NBEAL1: variants seen among roughly 807,000 people sequenced by gnomAD.
The protein encoded by NBEAL1 is neurobeachin-like protein 1.
In NBEAL1, 273 loss-of-function variants were observed where a neutral mutation model predicts 351.3. The ratio of observed to expected loss-of-function variants is 0.78; its 90% CI spans 0.70 to 0.86. NBEAL1 has a LOEUF of 0.86. Ranked by LOEUF, NBEAL1 falls within the 40% of genes least tolerant of loss-of-function variation. NBEAL1 has a pLI of 0.00. For synonymous variants in NBEAL1, 1,050 were observed against 1,086.4 expected, an observed-to-expected ratio of 0.97 and a Z score of 0.66; for missense variants, 2,961 against 3,201.3, an observed-to-expected ratio of 0.92 and a Z score of 1.81.
At chr2:203,040,338 T>C in intron 2 of NBEAL1, 1 of 720,692 alleles carries the variant, frequency 1.4e-6, no homozygotes, top group Non-Finnish European at 2.5e-6. Flanking sequence ...TGAGACCTCA[T>C]GCCTTGGAAT....
intron 3 of NBEAL1, among the ~76,000 whole-genome samples, chr2:203,048,380 CA>C (rs56116456): frequency 0.41 from 47,891 of 116,794 alleles, 8,958 homozygotes; most frequent in East Asian, 0.57. Context: ...GACTCCATCT[CA>C]AAAAAAAAAA....
At chr2:203,149,483 A>G (rs185704310) in intron 34 of NBEAL1, among the ~76,000 whole-genome samples, 51 of 152,216 alleles carry the variant, frequency 3.4e-4, no homozygotes, top group African/African-American at 1.2e-3. Context: ...TGAATATTTT[A>G]CAATTCACTT....
intron 8 of NBEAL1, among the ~76,000 whole-genome samples, 164 bp downstream of exon 8, chr2:203,078,001 A>G (rs2061807845): frequency 6.6e-6 from 1 of 152,184 alleles, no homozygotes; most frequent in Non-Finnish European, 1.5e-5. Context: ...CAAAAAACCT[A>G]AGTAATATTT....
intron 8 of NBEAL1, among the ~76,000 whole-genome samples, chr2:203,081,101 T>C (rs1451790033): frequency 6.6e-6 from 1 of 152,210 alleles, no homozygotes; most frequent in Non-Finnish European, 1.5e-5. Flanking sequence ...TAGTGGGATT[T>C]ATATCAAAGT....
At chr2:203,144,210 C>CAA (rs1203059538) in intron 31 of NBEAL1, among the ~76,000 whole-genome samples, 146 of 52,386 alleles carry the variant, frequency 2.8e-3, no homozygotes, top group Non-Finnish European at 3.2e-3. Flanking sequence ...GACTCCATCT[C>CAA]AAAAAAAAAA....
chr2:203,219,088 G>A lies in NBEAL1; in HGVS notation c.*1734G>A, dbSNP rs2065926693. The stretch of plus-strand genomic sequence containing the variant: ...TTCATTTATTTTATTCTTTTTTGGG[G>A]TGATGGGAGGTTTCAATCCAGTGCT... On this transcript the variant is annotated 3_prime_UTR_variant, in exon 56 of 56. Transcript: ENST00000683969. 6.6e-6 allele frequency: 1 copy of A among 152,030 alleles called. No individual in the cohort carries two copies. Among genetic ancestry groups the A allele is most frequent in the South Asian group, 2.1e-4 (1 of 4,824 alleles). 9.4% of individuals were successfully genotyped at this position (152,030 alleles called of 1,614,324 possible). A position where few individuals can be genotyped will look rare whatever the true frequency, so the allele number is the denominator to read the frequency against.
At chr2:203,173,642 A>T (rs2064392222) in intron 41 of NBEAL1, among the ~76,000 whole-genome samples, 1 of 152,056 alleles carries the variant, frequency 6.6e-6, no homozygotes, top group African/African-American at 2.4e-5. Flanking sequence ...ATATATGTAT[A>T]CCATCACTGC....
intron 35 of NBEAL1, among the ~76,000 whole-genome samples, chr2:203,153,804 C>A (rs1041512891): frequency 1.3e-5 from 2 of 152,102 alleles, no homozygotes; most frequent in African/African-American, 4.8e-5. Context: ...ATATTATTTT[C>A]TCGACTTTTG....
At chr2:203,075,388 G>C (rs904456229) in intron 7 of NBEAL1, among the ~76,000 whole-genome samples, 1 of 152,118 alleles carries the variant, frequency 6.6e-6, no homozygotes, top group Non-Finnish European at 1.5e-5. Flanking sequence ...AGTTTGCATG[G>C]TATATGTTTT....
chr2:203,183,333 TC>T lies in NBEAL1; in HGVS notation c.6653del (p.Pro2218ArgfsTer31). On this transcript the variant is annotated frameshift_variant, in exon 44 of 56. Transcript: ENST00000683969. LOFTEE classifies it high-confidence loss of function. ...AAAGAATTAGTAAATGATGTCATTC[TC>T]CCGAAATGGGCTAAATCAGCTGAAG... is the stretch of plus-strand genomic sequence containing the variant. The part of the protein sequence containing the change: ...ISKELVNDVI[L>X]PKWAKSAEDF... 1.2e-6 allele frequency: 2 copies of T among 1,603,298 alleles called. No individual in the cohort carries two copies. Among genetic ancestry groups the T allele is most frequent in the Non-Finnish European group, 1.7e-6 (2 of 1,175,766 alleles).
chr2:203,140,751 A>C (rs1322108394), intron 31 of NBEAL1, among the ~76,000 whole-genome samples: 3 of 152,192 alleles, frequency 2.0e-5, no homozygotes, highest in African/African-American at 7.2e-5. Flanking sequence ...TAAAATATGA[A>C]ACTGGCCAGG....
intron 46 of NBEAL1, among the ~76,000 whole-genome samples, chr2:203,192,058 G>A (rs1275629481): frequency 6.6e-6 from 1 of 152,140 alleles, no homozygotes; most frequent in Non-Finnish European, 1.5e-5. Flanking sequence ...ATGTACTTCT[G>A]TCAATACAGT....
intron 11 of NBEAL1, among the ~76,000 whole-genome samples, chr2:203,099,057 C>T (rs943156239): frequency 6.6e-6 from 1 of 151,998 alleles, no homozygotes; most frequent in Non-Finnish European, 1.5e-5. Flanking sequence ...GGTGGATCCA[C>T]TTGAGGTCAG....
rs2063194079 is a variant in NBEAL1 at position 203,135,947 on chromosome 2, G to T, written c.4084G>T (p.Asp1362Tyr). 5.0e-6 allele frequency: 8 copies of T among 1,614,130 alleles called. No homozygotes were observed. The East Asian group carries it at 1.8e-4, about 36-fold the overall frequency. The change falls in exon 28 of 56, where the codon GAT becomes TAT. Residue 1362 changes from aspartate to tyrosine, a missense_variant. Transcript: ENST00000683969. Reference sequence around the variant, plus strand: ...GTCTTCGGATCAGTGGAGTTTGGAGGATAGACACTCTTTAGACTCAAACAC... The same window carrying T: ...GTCTTCGGATCAGTGGAGTTTGGAGTATAGACACTCTTTAGACTCAAACAC... ...NVSSDQWSLE[D>Y]RHSLDSNTPL...
Position 203,157,778 on chromosome 2 carries a change from G to A in NBEAL1, c.5667G>A (p.Glu1889=). The stretch of plus-strand genomic sequence containing the variant: ...AAGTAAAAGTTAGTGATATGGTGGA[G>A]GATAAATTAGACCTTCCTGAAGAGG... ...VKQVKVSDMV[E]DKLDLPEEDI... The change falls in exon 36 of 56, where the codon GAG becomes GAA. Residue 1889 remains glutamate, a synonymous_variant. Coordinates refer to ENST00000683969, the MANE Select transcript of NBEAL1 (RefSeq NM_001378026.1). 6.3e-7 allele frequency: 1 copy of A among 1,593,216 alleles called. No individual in the cohort carries two copies. Among genetic ancestry groups the A allele is most frequent in the Non-Finnish European group, 8.5e-7 (1 of 1,170,014 alleles).
chr2:203,162,462 G>A (rs1263179172), intron 36 of NBEAL1, among the ~76,000 whole-genome samples: 1 of 152,020 alleles, frequency 6.6e-6, no homozygotes, highest in African/African-American at 2.4e-5. Context: ...ATTACAAATT[G>A]AGGGCCAGGC....
chr2:203,170,032 C>CTGTA (rs1169215141), intron 39 of NBEAL1, among the ~76,000 whole-genome samples, 181 bp downstream of exon 39: 1 of 152,186 alleles, frequency 6.6e-6, no homozygotes, highest in Non-Finnish European at 1.5e-5. Flanking sequence ...CTGCCACCTC[C>CTGTA]TGTATCATTC....
intron 3 of NBEAL1, among the ~76,000 whole-genome samples, chr2:203,044,567 A>G (rs1368049365): frequency 1.3e-5 from 2 of 152,234 alleles, no homozygotes; most frequent in Non-Finnish European, 2.9e-5. Context: ...CTATGTTTAA[A>G]GTAACATGAA....
At chr2:203,069,787 A>T (rs2061651205) in intron 7 of NBEAL1, among the ~76,000 whole-genome samples, 1 of 152,028 alleles carries the variant, frequency 6.6e-6, no homozygotes, top group African/African-American at 2.4e-5. Flanking sequence ...CCTCCCAAAT[A>T]CCTAGGACTA....
Sources: gnomAD v4.1 joint callset for allele counts (sites outside exome capture counted in the v4.1 genomes callset) on GRCh38, gnomAD v4.1.1 for gene constraint, MANE v1.5 for transcripts, NCBI Gene and HGNC (gene_info 2026-07-23, HGNC 2026-07-21) for gene names.